TIAM2: variants seen among roughly 807,000 people sequenced by gnomAD.
TIAM2 encodes the protein TIAM Rac1 associated GEF 2.
A neutral mutation model predicts 152.9 loss-of-function variants in TIAM2; 80 were observed. The ratio of observed to expected loss-of-function variants is 0.52; its 90% CI spans 0.44 to 0.63. The LOEUF is 0.63. Ranked by LOEUF, TIAM2 falls within the 30% of genes least tolerant of loss-of-function variation. The pLI is 0.00. For missense variants in TIAM2, 1,965 were observed against 2,120.1 expected, an observed-to-expected ratio of 0.93 and a Z score of 1.44; for synonymous variants, 804 against 838.0, an observed-to-expected ratio of 0.96 and a Z score of 0.70.
intron 10 of TIAM2, among the ~76,000 whole-genome samples, chr6:155,178,688 C>A (rs928470322): frequency 2.6e-5 from 4 of 152,258 alleles, no homozygotes; most frequent in Admixed American, 1.3e-4. Context: ...GATTCTCCTG[C>A]CTCAGCCTCC....
chr6:155,034,075 G>A (rs1355072942), intron 1 of TIAM2, among the ~76,000 whole-genome samples: 1 of 149,908 alleles, frequency 6.7e-6, no homozygotes, highest in Non-Finnish European at 1.5e-5. Flanking sequence ...TCCCTTTGGA[G>A]TCTCCTTCCT....
chr6:155,009,731 G>A (rs1778456367), intron 1 of TIAM2, among the ~76,000 whole-genome samples: 1 of 152,176 alleles, frequency 6.6e-6, no homozygotes, highest in Non-Finnish European at 1.5e-5. Context: ...TAATTACGCA[G>A]TTGTAAGGGA....
At chr6:155,132,796 T>C (rs117753693) in intron 4 of TIAM2, among the ~76,000 whole-genome samples, 4 of 152,358 alleles carry the variant, frequency 2.6e-5, no homozygotes, top group East Asian at 1.9e-4. Context: ...GCATCTCTTA[T>C]GTGCACTGAG....
At chr6:155,102,767 T>TTG (rs56117781) in intron 2 of TIAM2, among the ~76,000 whole-genome samples, 10,355 of 145,524 alleles carry the variant, frequency 0.071, 373 homozygotes, top group African/African-American at 0.083. Context: ...GATTAATTTA[T>TTG]TGTGTGTGTG....
rs78034777 is a variant in TIAM2, at chr6:155,061,636, G to GT, written c.-208-28647dup. ...ACAGGGCAGTGTTTGTGTAGTTTGT[G>GT]TTTTTTCATTTTTAGCTTACAGTGT... On this transcript the variant is annotated intron_variant, in intron 1 of 26. Coordinates refer to ENST00000682666, the MANE Select transcript of TIAM2 (RefSeq NM_012454.4). Among the ~76,000 whole-genome samples, 9 of 152,280 alleles carry GT rather than the reference G, an allele frequency of 5.9e-5. No homozygotes were observed. The East Asian group carries it at 1.7e-3, about 29-fold the overall frequency.
chr6:155,116,235 T>C (rs1325322165), intron 2 of TIAM2, among the ~76,000 whole-genome samples: 1 of 152,240 alleles, frequency 6.6e-6, no homozygotes, highest in African/African-American at 2.4e-5. Context: ...TTGTTTTTTT[T>C]CCTGAAAGTT....
intron 1 of TIAM2, among the ~76,000 whole-genome samples, chr6:155,058,960 A>T (rs1777509475): frequency 1.3e-5 from 2 of 152,210 alleles, no homozygotes; most frequent in Non-Finnish European, 2.9e-5. Flanking sequence ...GGCTTCCCAG[A>T]GGAGAAGGCA....
At chr6:155,027,113 A>G (rs1197178460) in intron 1 of TIAM2, among the ~76,000 whole-genome samples, 2 of 151,510 alleles carry the variant, frequency 1.3e-5, no homozygotes, top group Non-Finnish European at 2.9e-5. Context: ...TTGGCTCACT[A>G]CAACCTCTGC....
intron 15 of TIAM2, among the ~76,000 whole-genome samples, chr6:155,235,706 C>T (rs1782717569): frequency 1.3e-5 from 2 of 152,218 alleles, no homozygotes; most frequent in African/African-American, 4.8e-5. Context: ...AGGTGGCTTT[C>T]TAGCACTTGA....
intron 25 of TIAM2, 158 bp downstream of exon 25, chr6:155,254,218 G>C: frequency 1.0e-6 from 1 of 989,350 alleles, no homozygotes; most frequent in Non-Finnish European, 1.5e-6. Flanking sequence ...AGGAGACTAT[G>C]TTGATTAAAT....
chr6:155,231,134 A>C (rs930474519), intron 15 of TIAM2, among the ~76,000 whole-genome samples: 6 of 151,934 alleles, frequency 3.9e-5, no homozygotes, highest in African/African-American at 1.5e-4. Context: ...GAGCCACTGC[A>C]CCCGGCCCTA....
chr6:155,031,322 C>G (rs1482926658), intron 1 of TIAM2, among the ~76,000 whole-genome samples: 1 of 152,206 alleles, frequency 6.6e-6, no homozygotes, highest in African/African-American at 2.4e-5. Context: ...CTAAATGACT[C>G]AGACACTGTT....
chr6:155,185,408 T>C (rs771485110), intron 14 of TIAM2, among the ~76,000 whole-genome samples: 6 of 152,062 alleles, frequency 3.9e-5, no homozygotes, highest in Admixed American at 2.0e-4. Context: ...ATTACAGGTG[T>C]AAGCAACCGC....
chr6:155,160,346 C>T (rs896942780), intron 7 of TIAM2, among the ~76,000 whole-genome samples: 2 of 152,116 alleles, frequency 1.3e-5, no homozygotes, highest in Admixed American at 1.3e-4. Flanking sequence ...CCTTTTTGTC[C>T]TCTTCAGGTG....
intron 15 of TIAM2, among the ~76,000 whole-genome samples, chr6:155,230,993 T>G (rs1226802006): frequency 8.6e-6 from 1 of 116,012 alleles, no homozygotes; most frequent in African/African-American, 3.5e-5. Context: ...CCACCAAGCC[T>G]GGCTAATTTT....
chr6:155,171,027 C>G (rs888782256), intron 9 of TIAM2, among the ~76,000 whole-genome samples: 29 of 152,274 alleles, frequency 1.9e-4, no homozygotes, highest in Non-Finnish European at 1.2e-4. Context: ...TTTCATTTTG[C>G]TACTTTTCAT....
chr6:155,047,688 G>GAGAGAGAGAGGAGAGAGA (rs71023609), intron 1 of TIAM2, among the ~76,000 whole-genome samples: 4 of 44,684 alleles, frequency 9.0e-5, no homozygotes, highest in African/African-American at 1.7e-4. Flanking sequence ...GAGAGAGAGA[G>GAGAGAGAGAGGAGAGAGA]GAGAGAGAGA....
Position 155,137,297 on chromosome 6 carries a change from C to T in TIAM2, c.1315C>T (p.Leu439=), listed in dbSNP as rs748935653. 6.2e-7 allele frequency: 1 copy of T among 1,614,242 alleles called. No individual in the cohort carries two copies. The stretch of plus-strand genomic sequence containing the variant: ...GTGGTCAGGGGGCTCTACTCAGATC[C>T]TGTCTCAGAGAAGTGAATCCACACA... ...FLWSGGSTQI[L]SQRSESTHAI... The change falls in exon 5 of 27, where the codon CTG becomes TTG. Residue 439 remains leucine, a synonymous_variant. Transcript: ENST00000682666.
intron 8 of TIAM2, among the ~76,000 whole-genome samples, chr6:155,164,854 T>C (rs1163789299): frequency 6.6e-6 from 1 of 152,184 alleles, no homozygotes; most frequent in African/African-American, 2.4e-5. Flanking sequence ...TCTCTGCCTT[T>C]CTGTGTATTC....
Sources: gnomAD v4.1 joint callset for allele counts (sites outside exome capture counted in the v4.1 genomes callset) on GRCh38, gnomAD v4.1.1 for gene constraint, MANE v1.5 for transcripts, NCBI Gene and HGNC (gene_info 2026-07-23, HGNC 2026-07-21) for gene names.